The following MAP3K20 variants were observed in gnomAD, a reference collection of about 807,000 sequenced individuals.
MAP3K20 encodes the protein HCCS-4.
In MAP3K20, 40 loss-of-function variants were observed where a neutral mutation model predicts 85.7. The ratio of observed to expected loss-of-function variants is 0.47; its 90% CI spans 0.36 to 0.61. The LOEUF is 0.61. Among genes scored for constraint, MAP3K20 ranks in the 20% least tolerant of loss-of-function variants. The pLI is 0.00. For synonymous variants in MAP3K20, 325 were observed against 327.7 expected (o/e 0.99, Z 0.09); for missense variants, 817 against 961.7 (o/e 0.85, Z 1.99).
Position 173,217,118 on chromosome 2 carries a change from C to T in MAP3K20, c.855C>T (p.Cys285=), listed in dbSNP as rs749536197. 1.3e-6 allele frequency: 2 copies of T among 1,556,570 alleles called. No individual in the cohort carries two copies. The highest frequency in any genetic ancestry group is 1.2e-5 in the South Asian group (1 of 80,650). ...TACACCAGCTATCCCCGTGCAGGTGCGAAATTGAGGCAACTCTTGAGAGGC... is the reference window on the plus strand; with the variant it reads ...TACACCAGCTATCCCCGTGCAGGTGTGAAATTGAGGCAACTCTTGAGAGGC... ...SFLHNKAEWR[C]EIEATLERLK... The change falls in exon 11 of 20, where the codon TGC becomes TGT. Residue 285 remains cysteine (C), a synonymous_variant. Coordinates refer to ENST00000375213, the MANE Select transcript of MAP3K20 (RefSeq NM_016653.3).
chr2:173,138,216 G>A (rs150060879), intron 2 of MAP3K20, among the ~76,000 whole-genome samples: 2,016 of 152,134 alleles, frequency 0.013, 25 homozygotes, highest in South Asian at 0.029. Context: ...TGTTTCGCCC[G>A]CCTCGGCCTC....
At chr2:173,199,213 A>G (rs1690952378) in intron 8 of MAP3K20, among the ~76,000 whole-genome samples, 3 of 152,250 alleles carry the variant, frequency 2.0e-5, no homozygotes. Context: ...GCTATTGACT[A>G]GGAGAAACCA....
chr2:173,260,544 C>T (rs919008879), intron 17 of MAP3K20, among the ~76,000 whole-genome samples: 1 of 151,108 alleles, frequency 6.6e-6, no homozygotes, highest in African/African-American at 2.4e-5. Context: ...GGCTTCCTCA[C>T]TAATCCTTTG....
At position 173,225,098 on chromosome 2, in the gene MAP3K20, A is replaced by C. The variant is rs964439899; in HGVS notation, c.988-4591A>C. On this transcript the variant is annotated intron_variant, in intron 11 of 19. Transcript: ENST00000375213. Reference sequence around the variant, plus strand: ...TCTCACCTTTCATCTTTTTTTCTTAATTCATAAAGTTATCTTGTAGAATTT... The same window carrying C: ...TCTCACCTTTCATCTTTTTTTCTTACTTCATAAAGTTATCTTGTAGAATTT... 3 of 982,340 alleles carry C rather than the reference A, an allele frequency of 3.1e-6. No homozygotes were observed. The African/African-American group carries it at 5.4e-5, about 18-fold the overall frequency. The allele number at this position is 982,340 out of a possible 1,614,324, so 60.9% of individuals were successfully genotyped here.
chr2:173,113,126 A>T lies in MAP3K20; in HGVS notation c.159+21936A>T, dbSNP rs1027974036. 8.1e-4 allele frequency among the ~76,000 whole-genome samples: 123 copies of T among 151,534 alleles called. 2 individuals are homozygous for T. The highest frequency in any genetic ancestry group is 2.4e-4 in the Non-Finnish European group (16 of 67,566). ...TTGGTCTGTTCAGGGTATCTAAGCTAGGAGGGTTGTATTTTTCCAGGAATT... is the reference window on the plus strand; with the variant it reads ...TTGGTCTGTTCAGGGTATCTAAGCTTGGAGGGTTGTATTTTTCCAGGAATT... On this transcript the variant is annotated intron_variant, in intron 2 of 19. Coordinates refer to ENST00000375213, the MANE Select transcript of MAP3K20 (RefSeq NM_016653.3).
rs150106568 is a variant in MAP3K20, at chr2:173,221,316, A to T, written c.987+4066A>T. On this transcript the variant is annotated intron_variant, in intron 11 of 19. Transcript: ENST00000375213. ...GCCATGATGCTGATGGGCTTTGGGGATATCTTCTCAATGAACAAAGCAGGA... is the reference window on the plus strand; with the variant it reads ...GCCATGATGCTGATGGGCTTTGGGGTTATCTTCTCAATGAACAAAGCAGGA... 400 of 1,613,664 alleles carry T rather than the reference A, an allele frequency of 2.5e-4. No homozygotes were observed. The highest frequency in any genetic ancestry group is 3.2e-4 in the Non-Finnish European group (383 of 1,179,802).
chr2:173,222,538 G>T (rs1381085347), intron 11 of MAP3K20: 1 of 985,614 alleles, frequency 1.0e-6, no homozygotes. Context: ...CTTCCAGGGG[G>T]GTGAGTTCAT....
At position 173,217,201 on chromosome 2, in the gene MAP3K20, G is replaced by C. The variant is rs1684100134; in HGVS notation, c.938G>C (p.Arg313Thr). The change falls in exon 11 of 20, where the codon AGA (arginine) becomes ACA (threonine). Residue 313 changes from arginine (R) to threonine (T), a missense_variant. Arg to Thr is a moderately conservative substitution (Grantham distance 71). Coordinates refer to ENST00000375213, the MANE Select transcript of MAP3K20 (RefSeq NM_016653.3). ...GAGCAGGAGCTTAAAGAACGAGAAA[G>C]ACGTTTAAAGATGTGGGAGCAAAAG... ...FKEQELKERERRLKMWEQKLT... is the reference protein window; with the variant it reads ...FKEQELKERETRLKMWEQKLT... 6.2e-7 allele frequency: 1 copy of C among 1,604,854 alleles called. No individual in the cohort carries two copies. Among genetic ancestry groups the C allele is most frequent in the Non-Finnish European group, 8.5e-7 (1 of 1,175,254 alleles).
chr2:173,209,558 C>T (rs1476235406), intron 9 of MAP3K20, 171 bp from the exon 10 acceptor site: 2 of 557,664 alleles, frequency 3.6e-6, no homozygotes, highest in Non-Finnish European at 6.2e-6. Context: ...ATAGAGCTCC[C>T]TAAACCTGAG....
Position 173,209,830 on chromosome 2 carries a change from G to T in MAP3K20, c.846G>T (p.Glu282Asp). Reference protein sequence around the residue: ...KCNSFLHNKAEWRCEIEATLE... With the variant: ...KCNSFLHNKADWRCEIEATLE... Reference sequence around the variant, plus strand: ...ACTCATTCCTACACAACAAGGCGGAGTGGAGGTGGGTAGCCCCGACAGCAG... The same window carrying T: ...ACTCATTCCTACACAACAAGGCGGATTGGAGGTGGGTAGCCCCGACAGCAG... Residue 282 changes from glutamate to aspartate, a missense_variant, in exon 10 of 20, where the codon GAG becomes GAT. By Grantham distance (45) the Glu-to-Asp change is conservative. Transcript: ENST00000375213. 2 of 1,614,106 alleles carry T rather than the reference G, an allele frequency of 1.2e-6. No individual in the cohort carries two copies. The highest frequency in any genetic ancestry group is 1.7e-6 in the Non-Finnish European group (2 of 1,179,984).
chr2:173,216,830 G>GT (rs776906691), intron 10 of MAP3K20, among the ~76,000 whole-genome samples: 19 of 152,160 alleles, frequency 1.2e-4, no homozygotes, highest in Non-Finnish European at 2.2e-4. Flanking sequence ...CTAGATAAAT[G>GT]TAAGCATTTA....
chr2:173,244,703 T>G (rs1190072576), intron 16 of MAP3K20, among the ~76,000 whole-genome samples: 4 of 152,240 alleles, frequency 2.6e-5, no homozygotes, highest in Non-Finnish European at 5.9e-5. Context: ...ATACCAGCTA[T>G]GCCAGCCTAT....
chr2:173,192,065 CATACTGCCCTGCTATTTATACTATT>C (rs3835826), intron 7 of MAP3K20, among the ~76,000 whole-genome samples: 21,496 of 145,010 alleles, frequency 0.15, 1,792 homozygotes, highest in South Asian at 0.31. Context: ...CTTTACATCT[CATACTGCCCTGCTATTTATACTATT>C]ATACTGCCCT....
At chr2:173,256,036 G>A (rs1469606875) in intron 16 of MAP3K20, among the ~76,000 whole-genome samples, 6 of 152,332 alleles carry the variant, frequency 3.9e-5, no homozygotes, top group South Asian at 2.1e-4. Flanking sequence ...TTTATTGAAC[G>A]GACCTTTTCC....
intron 2 of MAP3K20, among the ~76,000 whole-genome samples, chr2:173,147,289 T>C (rs1035986684): frequency 3.3e-5 from 5 of 152,266 alleles, no homozygotes; most frequent in African/African-American, 1.2e-4. Flanking sequence ...GAAGATTTAC[T>C]TCTAAATTTC....
chr2:173,186,587 C>G (rs1690492419), intron 4 of MAP3K20, among the ~76,000 whole-genome samples: 1 of 151,990 alleles, frequency 6.6e-6, no homozygotes, highest in Admixed American at 6.6e-5. Flanking sequence ...TCTCTATATG[C>G]TTTAAAAAGC....
At chr2:173,132,642 T>C (rs1688650940) in intron 2 of MAP3K20, among the ~76,000 whole-genome samples, 1 of 152,184 alleles carries the variant, frequency 6.6e-6, no homozygotes, top group Admixed American at 6.5e-5. Flanking sequence ...CCCTCCCCTG[T>C]CAGATATGTA....
chr2:173,148,570 G>T (rs1441129863), intron 2 of MAP3K20, among the ~76,000 whole-genome samples: 1 of 152,162 alleles, frequency 6.6e-6, no homozygotes, highest in Non-Finnish European at 1.5e-5. Flanking sequence ...ATCTAGGACA[G>T]CAGGAAAGAC....
chr2:173,132,034 G>A (rs1484679897), intron 2 of MAP3K20, among the ~76,000 whole-genome samples: 2 of 152,124 alleles, frequency 1.3e-5, no homozygotes, highest in Non-Finnish European at 2.9e-5. Context: ...CTGAGGAAAT[G>A]AGTGTTTAGC....
Sources: allele counts gnomAD v4.1 joint callset (sites outside exome capture counted in the v4.1 genomes callset), GRCh38; gene constraint gnomAD v4.1.1; transcripts MANE v1.5; gene names NCBI Gene and HGNC (gene_info 2026-07-23, HGNC 2026-07-21).